MDN1: variants seen among roughly 807,000 people sequenced by gnomAD.
MDN1 encodes the protein midasin AAA ATPase 1.
Under a neutral mutation model 669.2 loss-of-function variants are expected in MDN1, and 266 were observed. The ratio of observed to expected loss-of-function variants is 0.40; its 90% CI spans 0.36 to 0.44. MDN1 has a LOEUF of 0.44. MDN1 is among the 20% of genes least tolerant of loss of function. The probability of loss-of-function intolerance (pLI) is 1.00; values close to 1 mark genes in which losing one functional copy is unlikely to be tolerated. For synonymous variants in MDN1, 2,385 were observed against 2,457.1 expected, an observed-to-expected ratio of 0.97 and a Z score of 0.87; for missense variants, 5,940 against 6,754.0, an observed-to-expected ratio of 0.88 and a Z score of 4.22.
Position 89,693,136 on chromosome 6 carries a change from T to C in MDN1, c.9894A>G (p.Gln3298=). The change falls in exon 63 of 102, where the codon CAA becomes CAG. Residue 3298 remains glutamine (Q), a synonymous_variant. Transcript: ENST00000369393. ...YSHPHVRLLR[Q]RMDRLDNLTC... ...TTAAATTATCCAGCCGATCCATCCTTTGGCGAAGCAGCCTAACGGGAAATT... is the reference window on the plus strand; with the variant it reads ...TTAAATTATCCAGCCGATCCATCCTCTGGCGAAGCAGCCTAACGGGAAATT... 6 of 1,586,946 alleles carry C rather than the reference T, an allele frequency of 3.8e-6. No individual in the cohort carries two copies. Among genetic ancestry groups the C allele is most frequent in the Non-Finnish European group, 5.1e-6 (6 of 1,167,354 alleles).
At chr6:89,674,082 G>T in intron 79 of MDN1, 22 bp downstream of exon 79, 1 of 1,610,214 alleles carries the variant, frequency 6.2e-7, no homozygotes, top group Non-Finnish European at 8.5e-7. Flanking sequence ...ACAGAGAAGT[G>T]TAAAGACATA....
intron 5 of MDN1, among the ~76,000 whole-genome samples, chr6:89,793,217 T>C (rs888441383): frequency 7.9e-5 from 12 of 152,234 alleles, no homozygotes; most frequent in Non-Finnish European, 1.3e-4. Context: ...GAGTCATCTC[T>C]AGACCTAGGC....
rs1298346745 is a variant in MDN1 at position 89,756,300 on chromosome 6, C to G, written c.2793G>C (p.Lys931Asn). 6.3e-7 allele frequency: 1 copy of G among 1,588,126 alleles called. No homozygotes were observed. The highest frequency in any genetic ancestry group is 1.2e-5 in the South Asian group (1 of 86,828). The change falls in exon 20 of 102, where the codon AAG becomes AAC. Residue 931 changes from lysine to asparagine, a missense_variant. Coordinates refer to ENST00000369393, the MANE Select transcript of MDN1 (RefSeq NM_014611.3). The stretch of plus-strand genomic sequence containing the variant: ...ACTTTATGATTCCTTGCACTGTATT[C>G]TTGTTCACACTCAATCCTTTCAGAT... ...VDYLKGLSVN[K>N]NTVQGIINFY...
chr6:89,679,797 G>T (rs530745904), intron 74 of MDN1, among the ~76,000 whole-genome samples: 1 of 152,214 alleles, frequency 6.6e-6, no homozygotes, highest in Non-Finnish European at 1.5e-5. Flanking sequence ...GTGAGCACAA[G>T]GACACCAAAG....
chr6:89,656,811 C>A lies in MDN1; in HGVS notation c.15184-10G>T, dbSNP rs764292165. On this transcript the variant is annotated splice_polypyrimidine_tract_variant and intron_variant, in intron 90 of 101. Transcript: ENST00000369393. Reference sequence around the variant, plus strand: ...CTCCACTTCCGTGTTCCTAGGAAATCCAAGCCACAAAAGAATGAGGTGAAA... The same window carrying A: ...CTCCACTTCCGTGTTCCTAGGAAATACAAGCCACAAAAGAATGAGGTGAAA... 20 of 1,609,304 alleles carry A rather than the reference C, an allele frequency of 1.2e-5. No homozygotes were observed. In the South Asian group the frequency reaches 2.2e-4, roughly 18 times the overall value.
chr6:89,768,342 G>GT (rs1204559154), intron 15 of MDN1, among the ~76,000 whole-genome samples: 1 of 152,040 alleles, frequency 6.6e-6, no homozygotes, highest in East Asian at 1.9e-4. Flanking sequence ...AGATTAGATG[G>GT]TTTTATAAAG....
Position 89,701,594 on chromosome 6 carries a change from C to G in MDN1, c.8391G>C (p.Lys2797Asn), listed in dbSNP as rs778764266. The part of the protein sequence containing the change: ...SQTGGFAGIK[K>N]LQKFLGRPFP... ...ACGGTCGTCCCAGGAACTTCTGCAA[C>G]TTCTTTATACCAGCGAAGCCACCAG... The change falls in exon 55 of 102, where the codon AAG (lysine) becomes AAC (asparagine). Residue 2797 changes from lysine (K) to asparagine (N), a missense_variant. Coordinates refer to ENST00000369393, the MANE Select transcript of MDN1 (RefSeq NM_014611.3). 2 of 1,614,190 alleles carry G rather than the reference C, an allele frequency of 1.2e-6. No individual in the cohort carries two copies. The highest frequency in any genetic ancestry group is 1.7e-6 in the Non-Finnish European group (2 of 1,180,018).
chr6:89,717,475 T>C (rs2128312921), intron 43 of MDN1, among the ~76,000 whole-genome samples: 1 of 152,370 alleles, frequency 6.6e-6, no homozygotes, highest in East Asian at 1.9e-4. Context: ...TAGATGTAGA[T>C]AATCCTTCCT....
chr6:89,665,877 TAA>T (rs1310071482), intron 84 of MDN1, among the ~76,000 whole-genome samples: 1 of 152,126 alleles, frequency 6.6e-6, no homozygotes, highest in African/African-American at 2.4e-5. Flanking sequence ...CTGTCTCTAC[TAA>T]AAATACAAAA....
Position 89,712,153 on chromosome 6 carries a change from C to A in MDN1, c.7534G>T (p.Glu2512Ter). ...ACAGCCATGACCAAAACATCTGGTTCATCGATCCAGTAAGTATTCACTTCG... is the reference window on the plus strand; with the variant it reads ...ACAGCCATGACCAAAACATCTGGTTAATCGATCCAGTAAGTATTCACTTCG... The part of the protein sequence containing the change: ...AVEVNTYWID[E>*]PDVLVMAVKL... The change falls in exon 49 of 102, where the codon GAA becomes TAA. Residue 2512 changes from glutamate (E) to a stop codon, truncating the protein, a stop_gained. Transcript: ENST00000369393. LOFTEE classifies it high-confidence loss of function. The A allele has an allele frequency of 6.2e-7, 1 of 1,614,130 alleles. No individual in the cohort carries two copies. The highest frequency in any genetic ancestry group is 1.1e-5 in the South Asian group (1 of 91,080).
At position 89,787,904 on chromosome 6, in the gene MDN1, T is replaced by A; in HGVS notation, c.1284A>T (p.Arg428=). 6.2e-7 allele frequency: 1 copy of A among 1,613,780 alleles called. No individual in the cohort carries two copies. Among genetic ancestry groups the A allele is most frequent in the East Asian group, 2.2e-5 (1 of 44,874 alleles). ...CAGGTGCCACTTTCAGACAGTCACC[T>A]CGGCCAGGAATCAAGAGCTCTCCAT... ...LENGELLIPG[R]GDCLKVAPGF... is the part of the protein sequence containing the mutation. The change falls in exon 8 of 102, where the codon CGA becomes CGT. Residue 428 remains arginine, a synonymous_variant. Coordinates refer to ENST00000369393, the MANE Select transcript of MDN1 (RefSeq NM_014611.3).
At chr6:89,652,396 G>T (rs1808943695) in intron 94 of MDN1, 115 bp from the exon 95 acceptor site, 1 of 755,316 alleles carries the variant, frequency 1.3e-6, no homozygotes, top group South Asian at 1.6e-5. Context: ...AAATGCTCCT[G>T]AGATTCAAAA....
intron 57 of MDN1, among the ~76,000 whole-genome samples, 156 bp downstream of exon 57, chr6:89,699,907 C>T (rs1262710088): frequency 6.6e-6 from 1 of 151,304 alleles, no homozygotes; most frequent in Non-Finnish European, 1.5e-5. Context: ...AAAAAAAAAA[C>T]CTTCAATAAA....
At chr6:89,758,440 T>G in intron 18 of MDN1, 89 bp from the exon 19 acceptor site, 1 of 1,050,828 alleles carries the variant, frequency 9.5e-7, no homozygotes, top group African/African-American at 1.6e-5. Flanking sequence ...TGCTGGCTGC[T>G]CACACCATCC....
intron 56 of MDN1, 117 bp downstream of exon 56, chr6:89,700,529 T>G (rs563267727): frequency 1.0e-6 from 1 of 980,052 alleles, no homozygotes; most frequent in African/African-American, 1.6e-5. Flanking sequence ...TAAAGGTATA[T>G]AAACTCTACC....
chr6:89,771,193 A>G (rs545758090), intron 15 of MDN1, among the ~76,000 whole-genome samples: 2 of 152,326 alleles, frequency 1.3e-5, no homozygotes, highest in African/African-American at 4.8e-5. Context: ...AGAATGACTG[A>G]TCCTTTGCCT....
intron 1 of MDN1, among the ~76,000 whole-genome samples, chr6:89,807,171 C>T (rs745874821): frequency 2.6e-5 from 4 of 152,118 alleles, no homozygotes; most frequent in African/African-American, 4.8e-5. Context: ...ACTGCAGCCT[C>T]GACTTCCCAG....
chr6:89,784,623 A>G (rs558017093), intron 9 of MDN1, among the ~76,000 whole-genome samples: 3 of 152,368 alleles, frequency 2.0e-5, no homozygotes, highest in African/African-American at 7.2e-5. Context: ...ATTCTCATTA[A>G]TGCCTAGATC....
chr6:89,758,854 G>T lies in MDN1; in HGVS notation c.2567C>A (p.Ser856Tyr), dbSNP rs1817391750. Residue 856 changes from serine to tyrosine, a missense_variant, in exon 18 of 102, where the codon TCT (serine) becomes TAT (tyrosine). By Grantham distance (144) the Ser-to-Tyr change is moderately radical. This residue lies in a region of MDN1 where 1,203 missense variants were observed against 1,268.9 expected (regional missense o/e 0.95). Coordinates refer to ENST00000369393, the MANE Select transcript of MDN1 (RefSeq NM_014611.3). ...ATCCAGCAACACCAGGGATCCAGAA[G>T]ATCCTTCAAGCAAACCACTCAGACA... ...LECLSGLLEG[S>Y]SGSLVLLDRG... is the part of the protein sequence containing the mutation. 1.2e-6 allele frequency: 2 copies of T among 1,614,138 alleles called. No individual in the cohort carries two copies. Among genetic ancestry groups the T allele is most frequent in the East Asian group, 4.5e-5 (2 of 44,880 alleles).
Sources: gnomAD v4.1 joint callset for allele counts (sites outside exome capture counted in the v4.1 genomes callset) on GRCh38, gnomAD v4.1.1 for gene constraint, gnomAD v4.1.1 regional missense constraint, MANE v1.5 for transcripts, NCBI Gene and HGNC (gene_info 2026-07-23, HGNC 2026-07-21) for gene names.